The following SH3PXD2A variants were observed in gnomAD, a reference collection of about 807,000 sequenced individuals.
SH3PXD2A encodes SH3 and PX domain-containing protein 2A.
A neutral mutation model predicts 115.2 loss-of-function variants in SH3PXD2A; 32 were observed. That is an observed-to-expected ratio of 0.28 (90% CI 0.21 to 0.37). The LOEUF (loss-of-function observed/expected upper bound fraction) is 0.37, where lower values mean the gene tolerates loss of function less well. Ranked by LOEUF, SH3PXD2A falls within the 10% of genes least tolerant of loss-of-function variation. The pLI is 1.00. For synonymous variants in SH3PXD2A, 610 were observed against 629.1 expected, an observed-to-expected ratio of 0.97 and a Z score of 0.45; for missense variants, 1,328 against 1,498.7, an observed-to-expected ratio of 0.89 and a Z score of 1.88.
intron 1 of SH3PXD2A, among the ~76,000 whole-genome samples, chr10:103,832,738 C>T (rs990528224): frequency 4.6e-5 from 7 of 152,244 alleles, no homozygotes; most frequent in African/African-American, 1.7e-4. Context: ...GAACATCACA[C>T]ACACACTGGG....
At chr10:103,783,700 C>T (rs1423279442) in intron 2 of SH3PXD2A, among the ~76,000 whole-genome samples, 2 of 152,228 alleles carry the variant, frequency 1.3e-5, no homozygotes, top group Non-Finnish European at 2.9e-5. Flanking sequence ...TGCCCATAGA[C>T]GTCTCCTATA....
At chr10:103,714,773 C>G (rs1157395274) in intron 5 of SH3PXD2A, among the ~76,000 whole-genome samples, 1 of 152,226 alleles carries the variant, frequency 6.6e-6, no homozygotes, top group Non-Finnish European at 1.5e-5. Context: ...TGGCAGGGGG[C>G]TGCAAGGACA....
At chr10:103,622,426 C>T (rs1217516302) in intron 10 of SH3PXD2A, 44 bp downstream of exon 10, 4 of 1,259,394 alleles carry the variant, frequency 3.2e-6, no homozygotes, top group African/African-American at 1.5e-5. Flanking sequence ...TAGCGAGAGA[C>T]AGGCGGTCGC....
chr10:103,776,741 T>A (rs2038883657), intron 2 of SH3PXD2A, among the ~76,000 whole-genome samples: 1 of 152,150 alleles, frequency 6.6e-6, no homozygotes, highest in South Asian at 2.1e-4. Context: ...TCCCTGCGTG[T>A]GTGTCTGTCT....
At chr10:103,657,035 C>G (rs1445610728) in intron 8 of SH3PXD2A, among the ~76,000 whole-genome samples, 2 of 151,582 alleles carry the variant, frequency 1.3e-5, no homozygotes, top group Non-Finnish European at 2.9e-5. Flanking sequence ...TCAACTGGGA[C>G]TAAAGCATTG....
intron 11 of SH3PXD2A, among the ~76,000 whole-genome samples, chr10:103,614,030 G>C (rs1564844398): frequency 2.6e-5 from 4 of 152,132 alleles, no homozygotes. Context: ...GCTGAGGCAG[G>C]AGGATCGTTT....
Position 103,677,265 on chromosome 10 carries a change from C to T in SH3PXD2A, c.428-8613G>A, listed in dbSNP as rs2037548080. On this transcript the variant is annotated intron_variant, in intron 6 of 14. Transcript: ENST00000369774. ...TTGAGACCATCTGACTCTCCACCCT[C>T]TGTCTCAAAGCATCAGACACACAAC... Among the ~76,000 whole-genome samples, 5 of 152,238 alleles carry T rather than the reference C, an allele frequency of 3.3e-5. No homozygotes were observed. The South Asian group carries it at 1.0e-3, about 31-fold the overall frequency.
chr10:103,798,952 CAGGCAACTCACT>C (rs1328833698), intron 2 of SH3PXD2A, among the ~76,000 whole-genome samples: 1 of 152,228 alleles, frequency 6.6e-6, no homozygotes, highest in Non-Finnish European at 1.5e-5. Context: ...CTGCTAACAC[CAGGCAACTCACT>C]AGGCAACTAA....
At chr10:103,612,320 C>G (rs2036440539) in intron 12 of SH3PXD2A, among the ~76,000 whole-genome samples, 1 of 152,110 alleles carries the variant, frequency 6.6e-6, no homozygotes, top group African/African-American at 2.4e-5. Context: ...TCCCAAGTCT[C>G]TTAGGTTTCC....
chr10:103,816,787 G>A (rs2039327620), intron 1 of SH3PXD2A, among the ~76,000 whole-genome samples: 1 of 152,014 alleles, frequency 6.6e-6, no homozygotes, highest in Non-Finnish European at 1.5e-5. Context: ...TAACTCAAAT[G>A]TCCACTACAT....
At chr10:103,853,271 T>C (rs1842912729) in intron 1 of SH3PXD2A, among the ~76,000 whole-genome samples, 1 of 152,238 alleles carries the variant, frequency 6.6e-6, no homozygotes, top group African/African-American at 2.4e-5. Flanking sequence ...ACCCAAAATC[T>C]TTCTTCCTTT....
Position 103,724,274 on chromosome 10 carries a change from T to A in SH3PXD2A, c.394A>T (p.Lys132Ter). The A allele has an allele frequency of 6.4e-7, 1 of 1,562,540 alleles. No individual in the cohort carries two copies. The highest frequency in any genetic ancestry group is 8.7e-7 in the Non-Finnish European group (1 of 1,154,156). Residue 132 changes from lysine (K) to a stop codon, truncating the protein, a stop_gained, in exon 5 of 15, where the codon AAA becomes TAA. Coordinates refer to ENST00000369774, the MANE Select transcript of SH3PXD2A (RefSeq NM_001394015.1). LOFTEE classifies it high-confidence loss of function. The stretch of plus-strand genomic sequence containing the variant: ...GAGGCCTGAGCTATTACTTACTCTT[T>A]TGGAGGGTTGACATCCTCGGGTCGA... ...EARPEDVNPP[K>*]EDYGSSKRKS...
chr10:103,798,520 C>T (rs1432339236), intron 2 of SH3PXD2A, among the ~76,000 whole-genome samples: 1 of 152,158 alleles, frequency 6.6e-6, no homozygotes, highest in Non-Finnish European at 1.5e-5. Context: ...CTTGCCACTG[C>T]AAGTAAAATT....
intron 3 of SH3PXD2A, among the ~76,000 whole-genome samples, chr10:103,766,441 G>A (rs1451737778): frequency 6.6e-6 from 1 of 152,174 alleles, no homozygotes; most frequent in Non-Finnish European, 1.5e-5. Context: ...TCTTTAACCT[G>A]TCTGAACCCC....
chr10:103,777,435 C>T (rs995861448), intron 2 of SH3PXD2A, among the ~76,000 whole-genome samples: 1 of 152,202 alleles, frequency 6.6e-6, no homozygotes, highest in African/African-American at 2.4e-5. Flanking sequence ...AGCTGGCGTG[C>T]GTGGGCCAGG....
chr10:103,847,669 C>T (rs12412379), intron 1 of SH3PXD2A, among the ~76,000 whole-genome samples: 132,092 of 151,966 alleles, frequency 0.87, 58,594 homozygotes, highest in East Asian at 0.99. Flanking sequence ...CCAGGCGCAG[C>T]GGGTCACACT....
intron 6 of SH3PXD2A, chr10:103,677,948 C>T: frequency 2.3e-6 from 1 of 441,412 alleles, no homozygotes; most frequent in Non-Finnish European, 4.5e-6. Context: ...GAACCACATA[C>T]AGGCATACAG....
intron 5 of SH3PXD2A, among the ~76,000 whole-genome samples, chr10:103,695,398 CA>C (rs1005235761): frequency 1.7e-4 from 26 of 151,846 alleles, no homozygotes; most frequent in African/African-American, 6.3e-4. Flanking sequence ...CTCCCAGCCA[CA>C]AGGGAGGCTG....
At chr10:103,776,989 A>G (rs1354217537) in intron 2 of SH3PXD2A, among the ~76,000 whole-genome samples, 1 of 152,270 alleles carries the variant, frequency 6.6e-6, no homozygotes, top group Non-Finnish European at 1.5e-5. Context: ...CTGTCCGTAT[A>G]CTATGAAGAG....
Sources: allele counts gnomAD v4.1 joint callset (sites outside exome capture counted in the v4.1 genomes callset), GRCh38; gene constraint gnomAD v4.1.1; transcripts MANE v1.5; gene names NCBI Gene and HGNC (gene_info 2026-07-23, HGNC 2026-07-21).